The following DMRT1 variants were observed in gnomAD, a reference collection of about 807,000 sequenced individuals.
DMRT1 encodes the protein doublesex and mab-3 related transcription factor 1.
A neutral mutation model predicts 32.3 loss-of-function variants in DMRT1; 7 were observed. That is an observed-to-expected ratio of 0.22 (90% CI 0.12 to 0.41). The LOEUF (loss-of-function observed/expected upper bound fraction) is 0.41. Among genes scored for constraint, DMRT1 ranks in the 10% least tolerant of loss-of-function variants. The pLI is 1.00. For missense variants in DMRT1, 625 were observed against 500.5 expected (o/e 1.25, Z -2.37); for synonymous variants, 278 against 206.1 (o/e 1.35, Z -2.99).
intron 1 of DMRT1, among the ~76,000 whole-genome samples, chr9:845,836 G>T (rs1302078496): frequency 6.6e-6 from 1 of 152,016 alleles, no homozygotes; most frequent in South Asian, 2.1e-4. Context: ...CTTCATCCTT[G>T]CCTGTCCAAG....
chr9:916,724 A>G (rs199853822), intron 3 of DMRT1, 39 bp from the exon 4 acceptor site: 26 of 1,611,202 alleles, frequency 1.6e-5, no homozygotes, highest in South Asian at 1.1e-5. Flanking sequence ...GTGACATGCA[A>G]TGTTGATCTC....
At chr9:951,279 C>T (rs1416438492) in intron 4 of DMRT1, among the ~76,000 whole-genome samples, 1 of 151,742 alleles carries the variant, frequency 6.6e-6, no homozygotes, top group African/African-American at 2.4e-5. Flanking sequence ...TCCTGGAAGG[C>T]AGAGTTAAAG....
At chr9:883,881 T>C (rs1816828036) in intron 2 of DMRT1, among the ~76,000 whole-genome samples, 1 of 152,162 alleles carries the variant, frequency 6.6e-6, no homozygotes, top group Non-Finnish European at 1.5e-5. Flanking sequence ...ATGGATAGTT[T>C]TCAGACTTAC....
intron 4 of DMRT1, among the ~76,000 whole-genome samples, chr9:930,431 A>G (rs1458707603): frequency 1.3e-5 from 2 of 149,930 alleles, no homozygotes; most frequent in Admixed American, 1.3e-4. Context: ...TTTTTTTTTG[A>G]GACGGAGTTT....
rs1056623768 is a variant in DMRT1, at chr9:927,485, G to C, written c.967+10578G>C. Among the ~76,000 whole-genome samples, 5 of 152,280 alleles carry C rather than the reference G, an allele frequency of 3.3e-5. No individual in the cohort carries two copies. The South Asian group carries it at 1.0e-3, about 32-fold the overall frequency. On this transcript the variant is annotated intron_variant, in intron 4 of 4. Coordinates refer to ENST00000382276, the MANE Select transcript of DMRT1 (RefSeq NM_021951.3). The stretch of plus-strand genomic sequence containing the variant: ...GTATATCATTGCCCGGCGCGGTGGC[G>C]TTTACACTAGGAATGAGTGCAGTGC...
chr9:953,391 T>C (rs986498943), intron 4 of DMRT1, among the ~76,000 whole-genome samples: 1 of 152,234 alleles, frequency 6.6e-6, no homozygotes, highest in Non-Finnish European at 1.5e-5. Flanking sequence ...TAAGGGTAGA[T>C]TCGAGCTGCC....
At chr9:870,726 T>A (rs1816209827) in intron 2 of DMRT1, among the ~76,000 whole-genome samples, 1 of 145,220 alleles carries the variant, frequency 6.9e-6, no homozygotes, top group South Asian at 2.2e-4. Flanking sequence ...TTTTTTTTTT[T>A]TTTGAGACAG....
At chr9:873,635 G>C (rs548926333) in intron 2 of DMRT1, among the ~76,000 whole-genome samples, 1 of 152,212 alleles carries the variant, frequency 6.6e-6, no homozygotes, top group South Asian at 2.1e-4. Flanking sequence ...GACATTTAAT[G>C]TTCTTAGGTT....
In DMRT1 at chr9:853,462, G is replaced by C. The variant is rs113484772; in HGVS notation, c.538+6319G>C. Among the ~76,000 whole-genome samples the C allele has an allele frequency of 4.1e-3, 612 of 150,552 alleles. 6 individuals carry two copies. The highest frequency in any genetic ancestry group is 0.014 in the African/African-American group (585 of 41,006). ...AATTTTTATTTTATTTTAAATTTTTGTTTATTTAATTAATTTTTTTTTTTT... is the reference window on the plus strand; with the variant it reads ...AATTTTTATTTTATTTTAAATTTTTCTTTATTTAATTAATTTTTTTTTTTT... On this transcript the variant is annotated intron_variant, in intron 2 of 4. Coordinates refer to ENST00000382276, the MANE Select transcript of DMRT1 (RefSeq NM_021951.3).
chr9:943,467 G>A (rs1819143607), intron 4 of DMRT1, among the ~76,000 whole-genome samples: 3 of 152,216 alleles, frequency 2.0e-5, no homozygotes, highest in African/African-American at 4.8e-5. Flanking sequence ...CAGGGGCAAC[G>A]AGGACACTCT....
intron 2 of DMRT1, among the ~76,000 whole-genome samples, chr9:852,740 G>C (rs901075025): frequency 2.6e-5 from 4 of 152,142 alleles, no homozygotes; most frequent in African/African-American, 9.7e-5. Context: ...CCCTCCCCCA[G>C]ATCAAACCAC....
At chr9:849,537 T>A (rs2370212) in intron 2 of DMRT1, among the ~76,000 whole-genome samples, 106,156 of 152,040 alleles carry the variant, frequency 0.7, 37,917 homozygotes, top group Non-Finnish European at 0.77. Flanking sequence ...CTATGCAGAG[T>A]TCAGAACGAC....
chr9:943,853 T>C (rs1819156478), intron 4 of DMRT1, among the ~76,000 whole-genome samples: 1 of 152,234 alleles, frequency 6.6e-6, no homozygotes, highest in Admixed American at 6.5e-5. Context: ...ATACATTGAT[T>C]TAAAGAAAAG....
intron 3 of DMRT1, among the ~76,000 whole-genome samples, chr9:896,482 G>A (rs538064663): frequency 2.6e-5 from 4 of 151,640 alleles, no homozygotes; most frequent in Non-Finnish European, 2.9e-5. Flanking sequence ...TCGAGCTCCC[G>A]GCAACCACTG....
At chr9:937,852 T>A (rs1048209649) in intron 4 of DMRT1, among the ~76,000 whole-genome samples, 3 of 152,088 alleles carry the variant, frequency 2.0e-5, no homozygotes, top group Non-Finnish European at 2.9e-5. Context: ...TTTATTTTGA[T>A]AAAGTCCAAG....
chr9:846,731 C>A (rs1263664843), intron 1 of DMRT1, among the ~76,000 whole-genome samples: 1 of 152,132 alleles, frequency 6.6e-6, no homozygotes, highest in Non-Finnish European at 1.5e-5. Flanking sequence ...CAGGTATCTG[C>A]GACCATGTCT....
At chr9:904,769 A>G (rs1817705855) in intron 3 of DMRT1, among the ~76,000 whole-genome samples, 1 of 152,076 alleles carries the variant, frequency 6.6e-6, no homozygotes, top group African/African-American at 2.4e-5. Flanking sequence ...ACATGGAGAA[A>G]CCCTGTCTCT....
At chr9:885,171 A>G (rs1019963901) in intron 2 of DMRT1, among the ~76,000 whole-genome samples, 1 of 152,128 alleles carries the variant, frequency 6.6e-6, no homozygotes, top group Non-Finnish European at 1.5e-5. Flanking sequence ...GGCAGTGTCT[A>G]GGGGTGAATG....
rs1157403332 is a variant in DMRT1, at chr9:870,413, A to G, written c.538+23270A>G. On this transcript the variant is annotated intron_variant, in intron 2 of 4. Coordinates refer to ENST00000382276, the MANE Select transcript of DMRT1 (RefSeq NM_021951.3). ...AAACTCTGTCTCAAAAAACAACAAC[A>G]ATAACAACAACAACATAGCTCTGGT... is the stretch of plus-strand genomic sequence containing the variant. 4.0e-5 allele frequency among the ~76,000 whole-genome samples: 6 copies of G among 151,734 alleles called. 1 individual carries two copies. The highest frequency in any genetic ancestry group is 2.1e-4 in the South Asian group (1 of 4,804).
Sources: gnomAD v4.1 joint callset for allele counts (sites outside exome capture counted in the v4.1 genomes callset) on GRCh38, gnomAD v4.1.1 for gene constraint, MANE v1.5 for transcripts, NCBI Gene and HGNC (gene_info 2026-07-23, HGNC 2026-07-21) for gene names.